The following MET variants were observed in gnomAD, a reference collection of about 807,000 sequenced individuals.
MET encodes MET proto-oncogene, receptor tyrosine kinase.
Under a neutral mutation model 133.1 loss-of-function variants are expected in MET, and 48 were observed. That is an observed-to-expected ratio of 0.36 (90% CI 0.29 to 0.46). MET has a LOEUF of 0.46. Among genes scored for constraint, MET ranks in the 20% least tolerant of loss-of-function variants. The pLI, the probability that MET is intolerant of heterozygous loss-of-function variation, is 1.00. For synonymous variants in MET, 628 were observed against 616.5 expected (o/e 1.02, Z -0.28); for missense variants, 1,442 against 1,695.9 (o/e 0.85, Z 2.63).
At chr7:116,736,748 A>G (rs1793228754) in intron 3 of MET, among the ~76,000 whole-genome samples, 1 of 152,214 alleles carries the variant, frequency 6.6e-6, no homozygotes, top group East Asian at 1.9e-4. Context: ...TTAAAGAAAA[A>G]ATATCCTGTG....
chr7:116,726,129 A>G (rs1792742014), intron 2 of MET, among the ~76,000 whole-genome samples: 1 of 14,920 alleles, frequency 6.7e-5, no homozygotes, highest in Non-Finnish European at 1.3e-4. Flanking sequence ...TATGCAGCAC[A>G]TGACTATATA....
chr7:116,787,277 T>C (rs753267370), intron 19 of MET, among the ~76,000 whole-genome samples: 1 of 152,166 alleles, frequency 6.6e-6, no homozygotes, highest in Non-Finnish European at 1.5e-5. Flanking sequence ...TCCAAGAACA[T>C]ACTGTTCATT....
At chr7:116,772,876 A>G (rs1794877215) in intron 14 of MET, among the ~76,000 whole-genome samples, 1 of 152,206 alleles carries the variant, frequency 6.6e-6, no homozygotes, top group Non-Finnish European at 1.5e-5. Context: ...CATAGTAAAC[A>G]TTGTCTTTGC....
At chr7:116,725,941 G>A (rs1792734200) in intron 2 of MET, among the ~76,000 whole-genome samples, 1 of 149,454 alleles carries the variant, frequency 6.7e-6, no homozygotes, top group Admixed American at 6.7e-5. Flanking sequence ...GGAGGCTAAG[G>A]TGGGAGAATT....
At chr7:116,724,507 G>T (rs1792660472) in intron 2 of MET, among the ~76,000 whole-genome samples, 1 of 152,138 alleles carries the variant, frequency 6.6e-6, no homozygotes, top group Non-Finnish European at 1.5e-5. Context: ...AGCCTTAAAA[G>T]GCTCAATACT....
chr7:116,763,686 G>T (rs1562926029), intron 11 of MET, among the ~76,000 whole-genome samples: 1 of 152,204 alleles, frequency 6.6e-6, no homozygotes, highest in East Asian at 1.9e-4. Flanking sequence ...TTGTATCTGG[G>T]TATGGTCATC....
At chr7:116,741,080 T>TTTGG in intron 5 of MET, 55 bp downstream of exon 5, 1 of 1,598,976 alleles carries the variant, frequency 6.3e-7, no homozygotes, top group Non-Finnish European at 8.5e-7. Flanking sequence ...TTTTTTTTTT[T>TTTGG]TTTGGTTTGG....
intron 5 of MET, among the ~76,000 whole-genome samples, chr7:116,742,994 T>C (rs1369064578): frequency 1.3e-5 from 2 of 152,222 alleles, no homozygotes; most frequent in Non-Finnish European, 2.9e-5. Flanking sequence ...GCAAGATCAG[T>C]GCAGAAGGCA....
chr7:116,747,945 G>C (rs1793756254), intron 5 of MET, among the ~76,000 whole-genome samples: 1 of 152,202 alleles, frequency 6.6e-6, no homozygotes, highest in Admixed American at 6.5e-5. Flanking sequence ...TAGAACTCGA[G>C]TTTAAGAAAC....
intron 5 of MET, among the ~76,000 whole-genome samples, chr7:116,753,264 T>C (rs75852138): frequency 0.04 from 6,153 of 152,288 alleles, 169 homozygotes; most frequent in East Asian, 0.11. Flanking sequence ...AGCTGAGCTT[T>C]AGCAAATACC....
rs547218935 is a variant in MET, at chr7:116,724,890, T to A, written c.1201-6778T>A. The A allele has an allele frequency of 6.1e-4, 766 of 1,266,000 alleles. 12 individuals are homozygous for A. The South Asian group carries it at 8.9e-3, about 15-fold the overall frequency. 78.4% of individuals were successfully genotyped at this position (1,266,000 alleles called of 1,614,324 possible). On this transcript the variant is annotated intron_variant, in intron 2 of 20. Transcript: ENST00000397752. ...TGCCTCAGTTTCCTTCTAGGCTTCTTGTTCTGAGATTCCATGAATTAATAT... is the reference window on the plus strand; with the variant it reads ...TGCCTCAGTTTCCTTCTAGGCTTCTAGTTCTGAGATTCCATGAATTAATAT...
intron 1 of MET, among the ~76,000 whole-genome samples, chr7:116,676,593 T>A (rs1275978331): frequency 6.6e-6 from 1 of 152,058 alleles, no homozygotes; most frequent in African/African-American, 2.4e-5. Flanking sequence ...TAGAATAAAA[T>A]GGAAAAGAGA....
At chr7:116,774,194 C>CT (rs1794919768) in intron 14 of MET, among the ~76,000 whole-genome samples, 1 of 152,148 alleles carries the variant, frequency 6.6e-6, no homozygotes, top group South Asian at 2.1e-4. Flanking sequence ...GCCTGAGGTT[C>CT]TTACAGAGCT....
chr7:116,796,046 T>A lies in MET; in HGVS notation c.4095T>A (p.Tyr1365Ter), dbSNP rs2117112859. The change falls in exon 21 of 21, where the codon TAT becomes TAA. Residue 1365 changes from tyrosine (Y) to a stop codon, truncating the protein, a stop_gained. Coordinates refer to ENST00000397752, the MANE Select transcript of MET (RefSeq NM_000245.4). LOFTEE classifies it low-confidence loss of function (END_TRUNC). ...TYVNVKCVAPYPSLLSSEDNA... is the reference protein window; with the variant it reads ...TYVNVKCVAP ...TGAACGTAAAATGTGTCGCTCCGTA[T>A]CCTTCTCTGTTGTCATCAGAAGATA... The A allele has an allele frequency of 6.2e-7, 1 of 1,614,044 alleles. No individual in the cohort carries two copies. Among genetic ancestry groups the A allele is most frequent in the Admixed American group, 1.7e-5 (1 of 60,006 alleles).
intron 17 of MET, among the ~76,000 whole-genome samples, chr7:116,780,904 T>C (rs1795136135): frequency 6.6e-6 from 1 of 152,210 alleles, no homozygotes; most frequent in Admixed American, 6.5e-5. Context: ...GCTTCTGATG[T>C]TCTAACATCT....
chr7:116,707,212 C>A (rs1389434885), intron 2 of MET, among the ~76,000 whole-genome samples: 1 of 151,798 alleles, frequency 6.6e-6, no homozygotes, highest in African/African-American at 2.4e-5. Context: ...CTAATTTAGA[C>A]CAAAGCTTTG....
At chr7:116,765,098 A>T (rs1178690804) in intron 11 of MET, among the ~76,000 whole-genome samples, 1 of 151,894 alleles carries the variant, frequency 6.6e-6, no homozygotes, top group Non-Finnish European at 1.5e-5. Context: ...TCAGGAGTTC[A>T]AGACCAGCCT....
At position 116,796,567 on chromosome 7, in the gene MET, G is replaced by T; in HGVS notation, c.*443G>T. The T allele has an allele frequency of 3.1e-6, 1 of 322,258 alleles. No individual in the cohort carries two copies. The highest frequency in any genetic ancestry group is 5.8e-6 in the Non-Finnish European group (1 of 172,326). 20.0% of individuals were successfully genotyped at this position (322,258 alleles called of 1,614,324 possible). The stretch of plus-strand genomic sequence containing the variant: ...CTAGTGTTTCAAAACACTTTTGTGT[G>T]TTGTATGGTCAATAACATTTTTCAT... On this transcript the variant is annotated 3_prime_UTR_variant, in exon 21 of 21. Coordinates refer to ENST00000397752, the MANE Select transcript of MET (RefSeq NM_000245.4).
intron 19 of MET, among the ~76,000 whole-genome samples, chr7:116,787,820 G>A (rs1000114390): frequency 6.6e-6 from 1 of 152,202 alleles, no homozygotes; most frequent in Non-Finnish European, 1.5e-5. Context: ...CGTAAGAATA[G>A]CTAGCTAATG....
Sources: gnomAD v4.1 joint callset for allele counts (sites outside exome capture counted in the v4.1 genomes callset) on GRCh38, gnomAD v4.1.1 for gene constraint, MANE v1.5 for transcripts, NCBI Gene and HGNC (gene_info 2026-07-23, HGNC 2026-07-21) for gene names.